Variants in RFX3 observed in about 807,000 individuals in gnomAD.
The protein encoded by RFX3 is regulatory factor X3.
Under a neutral mutation model 98.6 loss-of-function variants are expected in RFX3, and 14 were observed. That is an observed-to-expected ratio of 0.14 (90% CI 0.09 to 0.22). The LOEUF (loss-of-function observed/expected upper bound fraction) is 0.22. Among genes scored for constraint, RFX3 ranks in the 10% least tolerant of loss-of-function variants. RFX3 has a pLI of 1.00. For synonymous variants in RFX3, 383 were observed against 328.4 expected (o/e 1.17, Z -1.80); for missense variants, 639 against 926.9 (o/e 0.69, Z 4.03).
intron 1 of RFX3, among the ~76,000 whole-genome samples, chr9:3,414,689 TGTATATATGA>T (rs1230847689): frequency 2.6e-5 from 3 of 113,350 alleles, no homozygotes; most frequent in South Asian, 2.7e-4. Flanking sequence ...TGAGTATATA[TGTATATATGA>T]GTATATATGA....
intron 15 of RFX3, chr9:3,247,061 T>C (rs908489639): frequency 4.1e-6 from 4 of 982,724 alleles, no homozygotes; most frequent in South Asian, 4.7e-5. Flanking sequence ...TTTTTATTTA[T>C]ATAAGCACAT....
chr9:3,478,864 C>T (rs1176117050), intron 1 of RFX3, among the ~76,000 whole-genome samples: 1 of 152,126 alleles, frequency 6.6e-6, no homozygotes, highest in Non-Finnish European at 1.5e-5. Flanking sequence ...GACATTTTGC[C>T]AACAGTTTGC....
chr9:3,271,266 G>A, intron 9 of RFX3, 148 bp from the exon 10 acceptor site: 7 of 552,412 alleles, frequency 1.3e-5, no homozygotes, highest in South Asian at 6.6e-5. Flanking sequence ...TTTTACCAAA[G>A]GAAGTGGAAG....
intron 2 of RFX3, among the ~76,000 whole-genome samples, chr9:3,377,085 C>A (rs2131635677): frequency 6.6e-6 from 1 of 152,310 alleles, no homozygotes; most frequent in East Asian, 1.9e-4. Flanking sequence ...CCAGCCATCC[C>A]ATTACTGGGT....
chr9:3,438,529 C>G (rs1845355720), intron 1 of RFX3, among the ~76,000 whole-genome samples: 1 of 151,756 alleles, frequency 6.6e-6, no homozygotes, highest in Non-Finnish European at 1.5e-5. Flanking sequence ...GGAACCATAT[C>G]AAAAATAATA....
intron 5 of RFX3, among the ~76,000 whole-genome samples, chr9:3,299,366 T>C (rs549089260): frequency 6.6e-6 from 1 of 151,890 alleles, no homozygotes; most frequent in East Asian, 1.9e-4. Flanking sequence ...TTTTTCTGTG[T>C]TTAGGAAGAA....
chr9:3,259,508 A>AG (rs1822582374), intron 13 of RFX3, among the ~76,000 whole-genome samples: 1 of 396 alleles, frequency 2.5e-3, no homozygotes, highest in African/African-American at 3.2e-3. Flanking sequence ...CTTAAATTAG[A>AG]AAAAAAAAAT....
At chr9:3,234,613 TG>T (rs1818891364) in intron 15 of RFX3, among the ~76,000 whole-genome samples, 1 of 152,152 alleles carries the variant, frequency 6.6e-6, no homozygotes, top group Admixed American at 6.6e-5. Flanking sequence ...TACTCCAGCC[TG>T]GGTGACAGAG....
chr9:3,242,262 A>G (rs1376889315), intron 15 of RFX3, among the ~76,000 whole-genome samples: 1 of 152,256 alleles, frequency 6.6e-6, no homozygotes, highest in African/African-American at 2.4e-5. Flanking sequence ...TAAGACATCT[A>G]GAATAGGGAT....
At position 3,347,812 on chromosome 9, in the gene RFX3, T is replaced by C. The variant is rs541221330; in HGVS notation, c.118-1048A>G. Among the ~76,000 whole-genome samples the C allele has an allele frequency of 4.6e-5, 7 of 152,228 alleles. No homozygotes were observed. The South Asian group carries it at 1.2e-3, about 27-fold the overall frequency. Reference sequence around the variant, plus strand: ...TTGCACTCCAGCCTGGGCAACAAGATCAAAACTCTGTCTCAAAAAAACAAA... The same window carrying C: ...TTGCACTCCAGCCTGGGCAACAAGACCAAAACTCTGTCTCAAAAAAACAAA... On this transcript the variant is annotated intron_variant, in intron 2 of 16. Transcript: ENST00000617270.
At chr9:3,231,197 T>C (rs1299451688) in intron 15 of RFX3, among the ~76,000 whole-genome samples, 3 of 152,102 alleles carry the variant, frequency 2.0e-5, no homozygotes, top group African/African-American at 7.2e-5. Context: ...AACGACAAAG[T>C]TTCACATGTA....
At chr9:3,381,148 A>G (rs1031967225) in intron 2 of RFX3, among the ~76,000 whole-genome samples, 2 of 152,062 alleles carry the variant, frequency 1.3e-5, no homozygotes, top group Non-Finnish European at 2.9e-5. Context: ...CAATGAACCC[A>G]TAGGCAACAA....
chr9:3,413,558 A>G (rs1564067732), intron 1 of RFX3, among the ~76,000 whole-genome samples: 1 of 152,118 alleles, frequency 6.6e-6, no homozygotes, highest in African/African-American at 2.4e-5. Context: ...AAAAACCTCA[A>G]TAAAGAAAAA....
At chr9:3,466,047 A>G (rs1183621340) in intron 1 of RFX3, among the ~76,000 whole-genome samples, 1 of 152,228 alleles carries the variant, frequency 6.6e-6, no homozygotes, top group African/African-American at 2.4e-5. Flanking sequence ...TTATTCAAAC[A>G]GCATTCATTA....
chr9:3,489,005 AT>A, intron 1 of RFX3: 1 of 472,592 alleles, frequency 2.1e-6, no homozygotes, highest in Non-Finnish European at 2.8e-6. Flanking sequence ...CATGAACACA[AT>A]TTTTAGAACT....
intron 12 of RFX3, among the ~76,000 whole-genome samples, chr9:3,264,630 G>C (rs1823375892): frequency 6.6e-6 from 1 of 152,152 alleles, no homozygotes; most frequent in South Asian, 2.1e-4. Context: ...ATTTAAAGAA[G>C]ATAAGTAGCT....
chr9:3,377,448 G>C (rs1351877652), intron 2 of RFX3, among the ~76,000 whole-genome samples: 4 of 152,180 alleles, frequency 2.6e-5, no homozygotes, highest in Admixed American at 1.3e-4. Context: ...CTGTCATGGG[G>C]TGAGGGGAAG....
chr9:3,266,795 T>A (rs1823698570), intron 11 of RFX3, among the ~76,000 whole-genome samples: 1 of 152,052 alleles, frequency 6.6e-6, no homozygotes, highest in Non-Finnish European at 1.5e-5. Flanking sequence ...AATCTGTGAA[T>A]TAGAGTAATT....
At chr9:3,479,608 G>C (rs932709307) in intron 1 of RFX3, among the ~76,000 whole-genome samples, 2 of 152,142 alleles carry the variant, frequency 1.3e-5, no homozygotes, top group African/African-American at 4.8e-5. Flanking sequence ...GTGATTACTG[G>C]TCTCAGAGCC....
Sources: gnomAD v4.1 joint callset for allele counts (sites outside exome capture counted in the v4.1 genomes callset) on GRCh38, gnomAD v4.1.1 for gene constraint, MANE v1.5 for transcripts, NCBI Gene and HGNC (gene_info 2026-07-23, HGNC 2026-07-21) for gene names.